VPS45: variants seen among roughly 807,000 people sequenced by gnomAD.
VPS45 encodes the protein vacuolar protein sorting-associated protein 45.
In VPS45, 35 loss-of-function variants were observed where a neutral mutation model predicts 75.9. That is an observed-to-expected ratio of 0.46 (90% CI 0.35 to 0.61). The LOEUF is 0.61. Ranked by LOEUF, VPS45 falls within the 20% of genes least tolerant of loss-of-function variation. The pLI, the probability that VPS45 is intolerant of heterozygous loss-of-function variation, is 0.00. For missense variants in VPS45, 559 were observed against 685.9 expected (o/e 0.81, Z 2.07); for synonymous variants, 220 against 238.2 (o/e 0.92, Z 0.70).
chr1:150,076,933 C>T lies in VPS45; in HGVS notation c.387C>T (p.Tyr129=). 6.2e-7 allele frequency: 1 copy of T among 1,614,100 alleles called. No individual in the cohort carries two copies. Among genetic ancestry groups the T allele is most frequent in the Non-Finnish European group, 8.5e-7 (1 of 1,180,004 alleles). The part of the protein sequence containing the change: ...VAEVQEFYGD[Y]IAVNPHLFSL... Reference sequence around the variant, plus strand: ...ATTTGCAGGAATTTTATGGTGATTACATTGCTGTGAACCCACATTTGTTTT... The same window carrying T: ...ATTTGCAGGAATTTTATGGTGATTATATTGCTGTGAACCCACATTTGTTTT... The change falls in exon 5 of 15, where the codon TAC becomes TAT. Residue 129 remains tyrosine, a synonymous_variant. Transcript: ENST00000644510.
At position 150,144,772 on chromosome 1, in the gene VPS45, A is replaced by G. The variant is rs782289649; in HGVS notation, c.1689A>G (p.Thr563=). The G allele has an allele frequency of 3.7e-6, 6 of 1,614,220 alleles. No homozygotes were observed. Among genetic ancestry groups the G allele is most frequent in the Non-Finnish European group, 5.1e-6 (6 of 1,180,034 alleles). ...HSRSKESSQV[T]SRSASRR is the part of the protein sequence containing the mutation. ...GAAGCAAGGAGAGCTCTCAAGTCAC[A>G]TCAAGGTCAGCGAGCAGAAGATGAA... Residue 563 remains threonine, a synonymous_variant, in exon 15 of 15, where the codon ACA becomes ACG. Transcript: ENST00000644510.
At chr1:150,121,991 T>C (rs977149065) in intron 14 of VPS45, among the ~76,000 whole-genome samples, 16 of 152,274 alleles carry the variant, frequency 1.1e-4, no homozygotes, top group Admixed American at 1.0e-3. Flanking sequence ...TAGGTTACAC[T>C]ACTCAGTATG....
chr1:150,079,892 G>A (rs1241089323), intron 7 of VPS45, among the ~76,000 whole-genome samples: 1 of 152,162 alleles, frequency 6.6e-6, no homozygotes, highest in East Asian at 1.9e-4. Flanking sequence ...ATATCAAAAA[G>A]TAGAAAGAAA....
intron 14 of VPS45, among the ~76,000 whole-genome samples, chr1:150,112,319 C>G (rs587697130): frequency 7.4e-4 from 113 of 152,178 alleles, no homozygotes; most frequent in African/African-American, 2.1e-3. Flanking sequence ...TATATGGTCA[C>G]AGTTACCTGT....
chr1:150,099,358 G>A (rs1004813409), intron 13 of VPS45, among the ~76,000 whole-genome samples: 49 of 151,792 alleles, frequency 3.2e-4, no homozygotes, highest in African/African-American at 1.2e-3. Context: ...AAAATTAGCC[G>A]GGTGTGGTGG....
At chr1:150,110,839 T>G (rs1414410907) in intron 14 of VPS45, among the ~76,000 whole-genome samples, 9 of 152,174 alleles carry the variant, frequency 5.9e-5, no homozygotes, top group African/African-American at 2.2e-4. Flanking sequence ...CTTTATTAGG[T>G]CAAAGACCTA....
At position 150,076,216 on chromosome 1, in the gene VPS45, CA is replaced by C; in HGVS notation, c.290-15del. 3 of 1,594,776 alleles carry C rather than the reference CA, an allele frequency of 1.9e-6. No homozygotes were observed. The highest frequency in any genetic ancestry group is 2.6e-6 in the Non-Finnish European group (3 of 1,168,068). On this transcript the variant is annotated splice_polypyrimidine_tract_variant and intron_variant, in intron 3 of 14. Transcript: ENST00000644510. ...GAAATTATCTCCTTTGAGTCAACCC[CA>C]ACTCATGTGTTTCAGATTTCAGTAA... is the stretch of plus-strand genomic sequence containing the variant.
intron 14 of VPS45, among the ~76,000 whole-genome samples, chr1:150,124,716 A>ATT (rs58720904): frequency 0.88 from 122,437 of 138,608 alleles, 55,566 homozygotes; most frequent in South Asian, 0.98. Context: ...CACCTGGCTA[A>ATT]TTTTTTTTTT....
At chr1:150,100,897 T>A (rs1171695165) in intron 13 of VPS45, among the ~76,000 whole-genome samples, 2 of 152,184 alleles carry the variant, frequency 1.3e-5, no homozygotes, top group Non-Finnish European at 2.9e-5. Context: ...ACCTAGGTAA[T>A]ACCATTCTGG....
chr1:150,089,273 G>A (rs1656193621), intron 10 of VPS45, among the ~76,000 whole-genome samples: 1 of 152,006 alleles, frequency 6.6e-6, no homozygotes, highest in South Asian at 2.1e-4. Flanking sequence ...TGACTGCAAG[G>A]GCAGGAAATG....
At chr1:150,068,803 G>T (rs192877321) in intron 2 of VPS45, 39 bp downstream of exon 2, 2 of 1,525,158 alleles carry the variant, frequency 1.3e-6, no homozygotes, top group African/African-American at 1.4e-5. Flanking sequence ...CCAGGCAGAT[G>T]CAGAACACTC....
intron 2 of VPS45, among the ~76,000 whole-genome samples, chr1:150,069,698 C>T (rs759240497): frequency 2.0e-5 from 3 of 152,034 alleles, no homozygotes; most frequent in Non-Finnish European, 4.4e-5. Context: ...CCTCATGATC[C>T]GCCCGCCTTG....
chr1:150,127,475 A>C (rs782456728), intron 14 of VPS45, among the ~76,000 whole-genome samples: 8 of 152,064 alleles, frequency 5.3e-5, no homozygotes, highest in Non-Finnish European at 8.8e-5. Context: ...TTTTCTAGAG[A>C]CAGGGTCTTG....
intron 13 of VPS45, among the ~76,000 whole-genome samples, chr1:150,104,718 G>A (rs2101596113): frequency 6.6e-6 from 1 of 152,108 alleles, no homozygotes; most frequent in Admixed American, 6.6e-5. Context: ...GCCTCACCAA[G>A]TAGCTGAGAC....
At chr1:150,129,063 A>G (rs1226378417) in intron 14 of VPS45, among the ~76,000 whole-genome samples, 1 of 152,168 alleles carries the variant, frequency 6.6e-6, no homozygotes, top group East Asian at 1.9e-4. Flanking sequence ...CCAGTGACCA[A>G]AGGATTAGAC....
chr1:150,076,328 C>A lies in VPS45; in HGVS notation c.369+16C>A. The A allele has an allele frequency of 6.3e-7, 1 of 1,585,954 alleles. No individual in the cohort carries two copies. The highest frequency in any genetic ancestry group is 1.4e-5 in the African/African-American group (1 of 73,082). On this transcript the variant is annotated intron_variant, in intron 4 of 14. Transcript: ENST00000644510. ...TGAGGTTCAGGTAAACATATTGGTC[C>A]TGTAACACATCTCGTATGTTGGCCC...
chr1:150,082,416 G>T (rs1655764895), intron 9 of VPS45, among the ~76,000 whole-genome samples: 1 of 151,150 alleles, frequency 6.6e-6, no homozygotes, highest in African/African-American at 2.4e-5. Context: ...TGAGGCGGGG[G>T]AATCGCTTGA....
chr1:150,098,737 A>T, intron 13 of VPS45: 2 of 463,612 alleles, frequency 4.3e-6, no homozygotes, highest in Non-Finnish European at 6.0e-6. Flanking sequence ...CTGTTAAATT[A>T]GTGTTTAAGC....
chr1:150,121,049 A>G (rs996209819), intron 14 of VPS45, among the ~76,000 whole-genome samples: 2 of 151,740 alleles, frequency 1.3e-5, no homozygotes, highest in Non-Finnish European at 2.9e-5. Context: ...TTGTATTTTT[A>G]GTAGAGATGG....
Sources: gnomAD v4.1 joint callset for allele counts (sites outside exome capture counted in the v4.1 genomes callset) on GRCh38, gnomAD v4.1.1 for gene constraint, MANE v1.5 for transcripts, NCBI Gene and HGNC (gene_info 2026-07-23, HGNC 2026-07-21) for gene names.